The following DYNC2H1 variants were observed in gnomAD, a reference collection of about 807,000 sequenced individuals.
DYNC2H1 encodes dynein cytoplasmic 2 heavy chain 1.
A neutral mutation model predicts 570.0 loss-of-function variants in DYNC2H1; 410 were observed. That is an observed-to-expected ratio of 0.72 (90% CI 0.66 to 0.78). The LOEUF is 0.78. DYNC2H1 is among the 30% of genes least tolerant of loss of function. DYNC2H1 has a pLI of 0.00. For synonymous variants in DYNC2H1, 1,688 were observed against 1,677.6 expected, an observed-to-expected ratio of 1.01 and a Z score of -0.15; for missense variants, 4,865 against 5,046.4, an observed-to-expected ratio of 0.96 and a Z score of 1.09.
intron 87 of DYNC2H1, among the ~76,000 whole-genome samples, chr11:103,462,260 C>T (rs1283226799): frequency 1.3e-5 from 2 of 152,076 alleles, no homozygotes; most frequent in Admixed American, 1.3e-4. Context: ...CTCTGTCTCT[C>T]ATTCCTTATA....
intron 84 of DYNC2H1, among the ~76,000 whole-genome samples, chr11:103,408,527 A>C (rs1793494): frequency 0.51 from 77,561 of 151,712 alleles, 20,143 homozygotes; most frequent in African/African-American, 0.62. Flanking sequence ...TTTATGAAGT[A>C]GGCCCTATTT....
chr11:103,393,875 CT>C (rs1942279184), intron 83 of DYNC2H1, among the ~76,000 whole-genome samples: 1 of 152,210 alleles, frequency 6.6e-6, no homozygotes, highest in Non-Finnish European at 1.5e-5. Context: ...AGAGCTTGTG[CT>C]GGAGAACTCC....
At chr11:103,371,936 T>TG (rs1941169454) in intron 83 of DYNC2H1, among the ~76,000 whole-genome samples, 1 of 144,962 alleles carries the variant, frequency 6.9e-6, no homozygotes, top group South Asian at 2.2e-4. Context: ...GGTTTTTTTT[T>TG]TTTTTTTTTT....
intron 84 of DYNC2H1, among the ~76,000 whole-genome samples, chr11:103,413,018 T>C (rs1318998460): frequency 6.6e-6 from 1 of 152,184 alleles, no homozygotes; most frequent in South Asian, 2.1e-4. Flanking sequence ...CCACCTACCC[T>C]CCAGACTACT....
intron 55 of DYNC2H1, among the ~76,000 whole-genome samples, chr11:103,219,051 G>A (rs756703229): frequency 6.6e-6 from 1 of 152,128 alleles, no homozygotes; most frequent in Non-Finnish European, 1.5e-5. Context: ...AGCTGTGCCT[G>A]GGCTGTTTAA....
At chr11:103,119,783 G>C (rs761010642) in intron 6 of DYNC2H1, among the ~76,000 whole-genome samples, 2 of 152,168 alleles carry the variant, frequency 1.3e-5, no homozygotes, top group Non-Finnish European at 2.9e-5. Context: ...TCAACAGTCT[G>C]TAGGGGAAGT....
chr11:103,235,904 CT>C, intron 62 of DYNC2H1, 91 bp downstream of exon 62: 2 of 1,460,988 alleles, frequency 1.4e-6, no homozygotes, highest in Non-Finnish European at 1.8e-6. Context: ...ACCCTTTATT[CT>C]CTGTTATTTT....
At chr11:103,478,998 A>C in intron 88 of DYNC2H1, 97 bp from the exon 89 acceptor site, 2 of 1,325,536 alleles carry the variant, frequency 1.5e-6, no homozygotes, top group Non-Finnish European at 2.0e-6. Context: ...GAAACATTTC[A>C]TAATATAATA....
Position 103,228,663 on chromosome 11 carries a change from TG to T in DYNC2H1, c.9354-2595del. Among the ~76,000 whole-genome samples the T allele has an allele frequency of 6.6e-6, 1 of 152,212 alleles. No homozygotes were observed. Among genetic ancestry groups the T allele is most frequent in the Non-Finnish European group, 1.5e-5 (1 of 68,044 alleles). ...TTTAGTGTGCTGGTTTTGTGTTGGTTGGCCTCCAGCCAGGAGGTGGCCCTTT... is the reference window on the plus strand; with the variant it reads ...TTTAGTGTGCTGGTTTTGTGTTGGTTGCCTCCAGCCAGGAGGTGGCCCTTT... On this transcript the variant is annotated intron_variant, in intron 59 of 88. Transcript: ENST00000375735. The surrounding 1 kb of genome is among the most constrained non-coding windows in gnomAD (Gnocchi z 6.1).
chr11:103,294,247 T>C (rs1057473912), intron 75 of DYNC2H1, among the ~76,000 whole-genome samples: 6 of 152,200 alleles, frequency 3.9e-5, no homozygotes, highest in Non-Finnish European at 7.3e-5. Context: ...TCATGTTTTC[T>C]TGGATGTTTC....
At chr11:103,270,614 T>C (rs772861209) in intron 70 of DYNC2H1, among the ~76,000 whole-genome samples, 43 of 151,668 alleles carry the variant, frequency 2.8e-4, no homozygotes, top group Non-Finnish European at 5.3e-4. Flanking sequence ...AACTATCTTA[T>C]TGTACTCTAC....
intron 82 of DYNC2H1, among the ~76,000 whole-genome samples, chr11:103,338,869 A>G (rs1207326634): frequency 1.3e-5 from 2 of 152,038 alleles, no homozygotes; most frequent in Admixed American, 6.5e-5. Context: ...GTTGTTCTTG[A>G]TGCTTATGGA....
intron 83 of DYNC2H1, among the ~76,000 whole-genome samples, chr11:103,391,447 C>T (rs1942146218): frequency 6.6e-6 from 1 of 152,158 alleles, no homozygotes; most frequent in Non-Finnish European, 1.5e-5. Flanking sequence ...TTCAGACTTC[C>T]TCCTTTAGCT....
chr11:103,178,594 A>G (rs1316763637), intron 38 of DYNC2H1, among the ~76,000 whole-genome samples: 1 of 151,980 alleles, frequency 6.6e-6, no homozygotes, highest in African/African-American at 2.4e-5. Flanking sequence ...ATTGGTCACT[A>G]TTTTTCCCCC....
At chr11:103,335,943 T>C (rs1459481166) in intron 82 of DYNC2H1, among the ~76,000 whole-genome samples, 1 of 152,140 alleles carries the variant, frequency 6.6e-6, no homozygotes, top group East Asian at 1.9e-4. Flanking sequence ...CTTTAGAAAG[T>C]TACTAAACTA....
At position 103,437,808 on chromosome 11, in the gene DYNC2H1, T is replaced by C. The variant is rs182877279; in HGVS notation, c.12456+1776T>C. ...AAGGACAGGGACTTTAAACTTGCCA[T>C]GAATGGTAGCCTATATTACACTATG... On this transcript the variant is annotated intron_variant, in intron 85 of 88. Coordinates refer to ENST00000375735, the MANE Select transcript of DYNC2H1 (RefSeq NM_001377.3). 2.6e-5 allele frequency among the ~76,000 whole-genome samples: 4 copies of C among 152,264 alleles called. No homozygotes were observed. The East Asian group carries it at 7.7e-4, about 29-fold the overall frequency.
intron 82 of DYNC2H1, among the ~76,000 whole-genome samples, chr11:103,337,329 A>G (rs1939194677): frequency 6.6e-6 from 1 of 151,780 alleles, no homozygotes; most frequent in African/African-American, 2.4e-5. Flanking sequence ...CCGATTTCCT[A>G]CTCCACATGC....
intron 53 of DYNC2H1, among the ~76,000 whole-genome samples, chr11:103,210,236 C>T (rs889588114): frequency 1.3e-5 from 2 of 151,956 alleles, no homozygotes; most frequent in Admixed American, 1.3e-4. Flanking sequence ...GAAGGACCTA[C>T]TTAAATTGTT....
chr11:103,287,725 T>C, intron 75 of DYNC2H1, 120 bp downstream of exon 75: 1 of 818,184 alleles, frequency 1.2e-6, no homozygotes, highest in South Asian at 2.4e-5. Context: ...ATTCATTCTG[T>C]TTATTTATCT....
Sources: gnomAD v4.1 joint callset for allele counts (sites outside exome capture counted in the v4.1 genomes callset) on GRCh38, gnomAD v4.1.1 for gene constraint, Gnocchi (gnomAD v3.1) non-coding constraint, MANE v1.5 for transcripts, NCBI Gene and HGNC (gene_info 2026-07-23, HGNC 2026-07-21) for gene names.